Variants in TMEM163 observed in about 807,000 individuals in gnomAD.
TMEM163 encodes transmembrane protein 163.
A neutral mutation model predicts 29.3 loss-of-function variants in TMEM163; 17 were observed. The observed-to-expected ratio is 0.58, with a 90% CI of 0.40 to 0.87. TMEM163 has a LOEUF of 0.87. Ranked by LOEUF, TMEM163 falls within the 40% of genes least tolerant of loss-of-function variation. TMEM163 has a pLI of 0.00. For synonymous variants in TMEM163, 157 were observed against 160.6 expected (o/e 0.98, Z 0.17); for missense variants, 303 against 381.5 (o/e 0.79, Z 1.71).
intron 4 of TMEM163, among the ~76,000 whole-genome samples, chr2:134,538,413 A>T (rs1209795215): frequency 1.3e-5 from 2 of 152,218 alleles, no homozygotes; most frequent in African/African-American, 4.8e-5. Flanking sequence ...ATTTCATTAC[A>T]GCAGCCCAAA....
intron 4 of TMEM163, among the ~76,000 whole-genome samples, chr2:134,526,825 G>C (rs548036248): frequency 5.7e-4 from 87 of 152,324 alleles, no homozygotes; most frequent in African/African-American, 1.7e-3. Flanking sequence ...TATATTTTAA[G>C]AAGAACATGG....
chr2:134,633,419 G>C (rs1683025030), intron 2 of TMEM163, among the ~76,000 whole-genome samples: 1 of 152,142 alleles, frequency 6.6e-6, no homozygotes. Flanking sequence ...ATGTTGCCAA[G>C]AGCAGAAACC....
intron 2 of TMEM163, among the ~76,000 whole-genome samples, chr2:134,596,495 A>G (rs994604430): frequency 3.3e-5 from 5 of 152,184 alleles, no homozygotes; most frequent in African/African-American, 1.2e-4. Flanking sequence ...TACCAGTACC[A>G]TGCTGTTTTG....
At chr2:134,650,396 A>G (rs1683442502) in intron 2 of TMEM163, among the ~76,000 whole-genome samples, 1 of 152,118 alleles carries the variant, frequency 6.6e-6, no homozygotes, top group Non-Finnish European at 1.5e-5. Context: ...GATGATATAA[A>G]TCAAACTTGA....
intron 4 of TMEM163, among the ~76,000 whole-genome samples, chr2:134,529,996 C>T (rs1386250931): frequency 2.0e-5 from 3 of 152,020 alleles, no homozygotes; most frequent in African/African-American, 7.2e-5. Flanking sequence ...TCAGTGCCTG[C>T]CAAGGCCACT....
rs539614514 is a variant in TMEM163 at position 134,561,472 on chromosome 2, G to A, written c.323-9381C>T. Among the ~76,000 whole-genome samples, 14 of 151,510 alleles carry A rather than the reference G, an allele frequency of 9.2e-5. No homozygotes were observed. In the South Asian group the frequency reaches 2.3e-3, roughly 25 times the overall value. On this transcript the variant is annotated intron_variant, in intron 2 of 7. Coordinates refer to ENST00000281924, the MANE Select transcript of TMEM163 (RefSeq NM_030923.5). ...ATCCGAGGTCCAGCCTCAGCCTCCC[G>A]AGTAGCTGGGACTACAGGCACCCAC...
At chr2:134,687,159 G>T (rs1480132816) in intron 2 of TMEM163, among the ~76,000 whole-genome samples, 2 of 152,308 alleles carry the variant, frequency 1.3e-5, no homozygotes, top group Admixed American at 6.5e-5. Context: ...CCAGAAATGT[G>T]TGAGACCCAG....
chr2:134,582,321 C>A (rs754897568), intron 2 of TMEM163, among the ~76,000 whole-genome samples: 1 of 152,146 alleles, frequency 6.6e-6, no homozygotes, highest in Non-Finnish European at 1.5e-5. Flanking sequence ...GGTAGGTGCA[C>A]CTAATAGCAA....
At chr2:134,585,707 A>C (rs933323962) in intron 2 of TMEM163, among the ~76,000 whole-genome samples, 64 of 149,748 alleles carry the variant, frequency 4.3e-4, no homozygotes, top group African/African-American at 1.5e-3. Context: ...GCGCCACTGC[A>C]CTCCAGCCTG....
chr2:134,686,531 A>G (rs1393185430), intron 2 of TMEM163, among the ~76,000 whole-genome samples: 1 of 152,232 alleles, frequency 6.6e-6, no homozygotes, highest in African/African-American at 2.4e-5. Flanking sequence ...AGAGTAAAAG[A>G]AAACTCACCA....
intron 2 of TMEM163, among the ~76,000 whole-genome samples, chr2:134,694,863 G>C (rs1210382512): frequency 6.6e-6 from 1 of 152,062 alleles, no homozygotes; most frequent in Non-Finnish European, 1.5e-5. Flanking sequence ...TAATTAACTG[G>C]AATGCCAGAA....
chr2:134,491,045 G>T (rs1421784127), intron 5 of TMEM163, among the ~76,000 whole-genome samples: 2 of 152,124 alleles, frequency 1.3e-5, no homozygotes, highest in Admixed American at 1.3e-4. Context: ...AGATAGGAAG[G>T]TGTTCTCAAA....
At chr2:134,463,631 T>TTTAGA in intron 6 of TMEM163, among the ~76,000 whole-genome samples, 1 of 152,338 alleles carries the variant, frequency 6.6e-6, no homozygotes, top group Non-Finnish European at 1.5e-5. Context: ...CTGCAAGTTC[T>TTTAGA]TTAGATCCGG....
chr2:134,718,845 G>T lies in TMEM163; in HGVS notation c.91C>A (p.Pro31Thr), dbSNP rs1685100105. The stretch of plus-strand genomic sequence containing the variant: ...GGGGAGCTCAGCGGGGCCGGGCCGG[G>T]GGCGGCAGCCGGTGGCGCGTGGCCC... ...PRGHAPPAAA[P>T]GPAPLSSPVR... Residue 31 changes from proline to threonine, a missense_variant, in exon 1 of 8, where the codon CCC becomes ACC. Transcript: ENST00000281924. 4.5e-6 allele frequency: 5 copies of T among 1,121,268 alleles called. No homozygotes were observed. The African/African-American group carries it at 8.3e-5, about 19-fold the overall frequency. 69.5% of individuals were successfully genotyped at this position (1,121,268 alleles called of 1,614,324 possible).
intron 4 of TMEM163, among the ~76,000 whole-genome samples, chr2:134,550,315 T>C (rs1031055968): frequency 7.9e-5 from 12 of 152,300 alleles, no homozygotes; most frequent in African/African-American, 2.6e-4. Flanking sequence ...GATGAGCGGA[T>C]GGATAGACCA....
chr2:134,638,384 C>T (rs1011642985), intron 2 of TMEM163, among the ~76,000 whole-genome samples: 2 of 152,086 alleles, frequency 1.3e-5, no homozygotes, highest in African/African-American at 2.4e-5. Context: ...AAGTGGAAGA[C>T]GTCAATCAAA....
chr2:134,517,101 A>G (rs183860431), intron 4 of TMEM163, among the ~76,000 whole-genome samples: 32 of 145,982 alleles, frequency 2.2e-4, no homozygotes, highest in Admixed American at 1.4e-3. Context: ...CTGTGGCATC[A>G]TCTTCCATCA....
chr2:134,656,420 C>T (rs543008888), intron 2 of TMEM163, among the ~76,000 whole-genome samples: 6 of 151,290 alleles, frequency 4.0e-5, no homozygotes, highest in South Asian at 2.1e-4. Flanking sequence ...GCACGGTGCA[C>T]GCACCCACTG....
At chr2:134,608,655 C>T (rs1365523958) in intron 2 of TMEM163, among the ~76,000 whole-genome samples, 3 of 85,288 alleles carry the variant, frequency 3.5e-5, no homozygotes, top group East Asian at 3.8e-4. Context: ...GGACAGACCC[C>T]GAGAACTGTA....
Sources: allele counts gnomAD v4.1 joint callset (sites outside exome capture counted in the v4.1 genomes callset), GRCh38; gene constraint gnomAD v4.1.1; transcripts MANE v1.5; gene names NCBI Gene and HGNC (gene_info 2026-07-23, HGNC 2026-07-21).